PDE1C: variants seen among roughly 807,000 people sequenced by gnomAD.
The protein encoded by PDE1C is dual specificity calcium/calmodulin-dependent 3',5'-cyclic nucleotide phosphodiesterase 1C.
In PDE1C, 62 loss-of-function variants were observed where a neutral mutation model predicts 93.1. The observed-to-expected ratio is 0.67, with a 90% confidence interval of 0.54 to 0.82. The LOEUF is 0.82. PDE1C is among the 40% of genes least tolerant of loss of function. PDE1C has a pLI of 0.00. For missense variants in PDE1C, 742 were observed against 884.6 expected (o/e 0.84, Z 2.04); for synonymous variants, 325 against 310.1 (o/e 1.05, Z -0.50).
chr7:31,902,697 T>C (rs1169057775), intron 2 of PDE1C, among the ~76,000 whole-genome samples: 1 of 151,788 alleles, frequency 6.6e-6, no homozygotes, highest in East Asian at 1.9e-4. Flanking sequence ...ATTAAAAACA[T>C]TATTGTAATA....
chr7:32,041,000 G>T (rs1218335775), intron 2 of PDE1C, among the ~76,000 whole-genome samples: 2 of 152,066 alleles, frequency 1.3e-5, no homozygotes, highest in African/African-American at 4.8e-5. Flanking sequence ...TGTTCCCTTA[G>T]ATGACCCAAG....
chr7:31,896,659 T>C (rs1583845262), intron 2 of PDE1C, among the ~76,000 whole-genome samples: 1 of 152,338 alleles, frequency 6.6e-6, no homozygotes, highest in South Asian at 2.1e-4. Context: ...AGTGCAATGA[T>C]TCCCAAAGCC....
At chr7:32,153,490 T>A (rs1188305901) in intron 3 of PDE1C, among the ~76,000 whole-genome samples, 1 of 152,038 alleles carries the variant, frequency 6.6e-6, no homozygotes, top group Non-Finnish European at 1.5e-5. Context: ...CAAGAGAAGG[T>A]CAAGGGGGAG....
intron 1 of PDE1C, among the ~76,000 whole-genome samples, chr7:32,412,561 T>C (rs1473875389): frequency 1.3e-5 from 2 of 152,188 alleles, no homozygotes; most frequent in Non-Finnish European, 2.9e-5. Context: ...GCTATACTTT[T>C]ATGTGACTGG....
chr7:31,714,507 GGT>G, the PDE1C span, among the ~76,000 whole-genome samples: 1 of 152,210 alleles, frequency 6.6e-6, no homozygotes, highest in African/African-American at 2.4e-5. Flanking sequence ...CACACTTTCG[GGT>G]GTCTTTTCGG....
chr7:31,899,623 A>T (rs1340547372), intron 2 of PDE1C, among the ~76,000 whole-genome samples: 1 of 152,192 alleles, frequency 6.6e-6, no homozygotes, highest in Non-Finnish European at 1.5e-5. Flanking sequence ...CAAGGGAAGA[A>T]TAAGAGACAG....
intron 11 of PDE1C, among the ~76,000 whole-genome samples, chr7:31,830,615 G>A (rs1790258611): frequency 1.3e-5 from 2 of 152,154 alleles, no homozygotes; most frequent in South Asian, 4.1e-4. Flanking sequence ...AGTTAGGCAG[G>A]TAGCTGTTCA....
chr7:31,762,152 C>A (rs1238218919), intron 17 of PDE1C, among the ~76,000 whole-genome samples: 2 of 152,156 alleles, frequency 1.3e-5, no homozygotes, highest in South Asian at 2.1e-4. Flanking sequence ...GACACAAAAG[C>A]CTTATAGTGA....
chr7:31,927,092 T>G (rs1257742787), intron 2 of PDE1C, among the ~76,000 whole-genome samples: 2 of 152,132 alleles, frequency 1.3e-5, no homozygotes, highest in East Asian at 3.9e-4. Context: ...CACAGCAATC[T>G]GAAGTTGACC....
downstream of PDE1C, among the ~76,000 whole-genome samples, chr7:31,748,239 T>C (rs1354721855): frequency 6.9e-6 from 1 of 144,108 alleles, no homozygotes; most frequent in Admixed American, 7.1e-5. Context: ...TATATTTTTC[T>C]CTCTTGTTAT....
the PDE1C span, among the ~76,000 whole-genome samples, chr7:31,625,278 T>C: frequency 1.2e-5 from 1 of 84,448 alleles, no homozygotes; most frequent in African/African-American, 4.2e-5. Flanking sequence ...ACTGGGTATA[T>C]ACCCAAAGGA....
At chr7:32,113,378 G>A (rs1471918471) in intron 3 of PDE1C, among the ~76,000 whole-genome samples, 1 of 147,668 alleles carries the variant, frequency 6.8e-6, no homozygotes, top group East Asian at 2.0e-4. Context: ...ATTCATCTCT[G>A]TCTGTCTACA....
chr7:31,840,108 C>T (rs1791665826), intron 9 of PDE1C, among the ~76,000 whole-genome samples: 1 of 152,146 alleles, frequency 6.6e-6, no homozygotes, highest in East Asian at 1.9e-4. Context: ...TGACCACTAG[C>T]ATATAACATT....
chr7:31,632,753 G>A, the PDE1C span, among the ~76,000 whole-genome samples: 1 of 152,122 alleles, frequency 6.6e-6, no homozygotes, highest in Non-Finnish European at 1.5e-5. Context: ...CCAGCTGGGT[G>A]ACAGGTTTTA....
At chr7:32,154,088 T>C (rs950299570) in intron 3 of PDE1C, among the ~76,000 whole-genome samples, 2 of 152,116 alleles carry the variant, frequency 1.3e-5, no homozygotes, top group Non-Finnish European at 1.5e-5. Context: ...ACCCTGCCTG[T>C]ACAAAAAATA....
At chr7:31,955,666 A>G (rs1460418944) in intron 2 of PDE1C, among the ~76,000 whole-genome samples, 1 of 152,206 alleles carries the variant, frequency 6.6e-6, no homozygotes, top group Non-Finnish European at 1.5e-5. Flanking sequence ...GGAAGTACCT[A>G]GAGAATATTG....
chr7:31,923,877 C>G (rs1425668820), intron 2 of PDE1C, among the ~76,000 whole-genome samples: 1 of 152,160 alleles, frequency 6.6e-6, no homozygotes, highest in Non-Finnish European at 1.5e-5. Flanking sequence ...CAGAGCCAAG[C>G]TCAGCTATAT....
chr7:32,406,900 C>T (rs977096530), intron 1 of PDE1C, among the ~76,000 whole-genome samples: 1 of 152,188 alleles, frequency 6.6e-6, no homozygotes, highest in African/African-American at 2.4e-5. Context: ...TTACATTAAA[C>T]TCAGAAACTT....
At chr7:31,943,621 T>C (rs530448147) in intron 2 of PDE1C, among the ~76,000 whole-genome samples, 7 of 152,150 alleles carry the variant, frequency 4.6e-5, no homozygotes, top group East Asian at 1.9e-4. Flanking sequence ...TGACCAGGAG[T>C]ATAAACCCAT....
Sources: gnomAD v4.1 joint callset for allele counts (sites outside exome capture counted in the v4.1 genomes callset) on GRCh38, gnomAD v4.1.1 for gene constraint, MANE v1.5 for transcripts, NCBI Gene and HGNC (gene_info 2026-07-23, HGNC 2026-07-21) for gene names.